Variants in CLVS2 observed in about 807,000 individuals in gnomAD.
The protein encoded by CLVS2 is clavesin-2.
CLVS2 carries 19 observed loss-of-function variants against 29.0 expected under a neutral mutation model. The ratio of observed to expected loss-of-function variants is 0.66; its 90% CI spans 0.46 to 0.96. The LOEUF (loss-of-function observed/expected upper bound fraction) is 0.96, where lower values mean the gene tolerates loss of function less well. Among genes scored for constraint, CLVS2 ranks in the 40% least tolerant of loss-of-function variants. The pLI is 0.00. For missense variants in CLVS2, 294 were observed against 404.1 expected (o/e 0.73, Z 2.34); for synonymous variants, 161 against 151.3 (o/e 1.06, Z -0.47).
rs1772971461 is a variant in CLVS2 at position 123,072,864 on chromosome 6, T to C, written c.*9103T>C. 6.6e-6 allele frequency: 1 copy of C among 152,082 alleles called. No individual in the cohort carries two copies. The highest frequency in any genetic ancestry group is 2.4e-5 in the African/African-American group (1 of 41,438). The allele number at this position is 152,082 out of a possible 1,614,324, so 9.4% of individuals were successfully genotyped here. On this transcript the variant is annotated 3_prime_UTR_variant, in exon 6 of 6. Transcript: ENST00000275162. ...CTTTTTTTGCAGAGAAACTATTGTC[T>C]TTTTTGATTTCTGAGGATGAATGAA... is the stretch of plus-strand genomic sequence containing the variant.
In CLVS2 at chr6:122,998,115, A is replaced by T. The variant is rs780886412; in HGVS notation, c.338A>T (p.His113Leu). 3.1e-6 allele frequency: 5 copies of T among 1,614,052 alleles called. No homozygotes were observed. Among genetic ancestry groups the T allele is most frequent in the Non-Finnish European group, 4.2e-6 (5 of 1,180,038 alleles). ...CCTGGGGGCCTGGCCAATCTGGACCACTATGGCAGGAAGATTCTAGTCCTT... is the reference window on the plus strand; with the variant it reads ...CCTGGGGGCCTGGCCAATCTGGACCTCTATGGCAGGAAGATTCTAGTCCTT... ...GFPGGLANLD[H>L]YGRKILVLFA... is the part of the protein sequence containing the mutation. The change falls in exon 2 of 6, where the codon CAC (histidine) becomes CTC (leucine). Residue 113 changes from histidine (H) to leucine (L), a missense_variant. Around this residue, in one of 2 missense-constraint regions of CLVS2, gnomAD observed 212 missense variants for 336.4 expected, o/e 0.63. Coordinates refer to ENST00000275162, the MANE Select transcript of CLVS2 (RefSeq NM_001010852.4).
At chr6:123,030,361 T>G (rs1775066075) in intron 3 of CLVS2, among the ~76,000 whole-genome samples, 1 of 152,152 alleles carries the variant, frequency 6.6e-6, no homozygotes. Flanking sequence ...TCCAAGAACC[T>G]TGTCTAATGT....
At chr6:123,061,870 T>C (rs1229968278) in intron 5 of CLVS2, among the ~76,000 whole-genome samples, 1 of 152,080 alleles carries the variant, frequency 6.6e-6, no homozygotes, top group Non-Finnish European at 1.5e-5. Flanking sequence ...TCAATATTTA[T>C]ATATTTAATT....
At chr6:123,038,213 A>C (rs1019551220) in intron 3 of CLVS2, among the ~76,000 whole-genome samples, 2 of 152,076 alleles carry the variant, frequency 1.3e-5, no homozygotes, top group African/African-American at 4.8e-5. Flanking sequence ...TTCTTCCCTC[A>C]TCCCTCCAAC....
chr6:123,004,950 CAAAAA>C (rs61607272), intron 2 of CLVS2, among the ~76,000 whole-genome samples: 86 of 148,582 alleles, frequency 5.8e-4, no homozygotes, highest in Non-Finnish European at 9.5e-4. Context: ...AAACAAAAAA[CAAAAA>C]AAAAAAAAAC....
rs796489894 is a variant in CLVS2 at position 123,069,802 on chromosome 6, A to C, written c.*6041A>C. 5 of 151,954 alleles carry C rather than the reference A, an allele frequency of 3.3e-5. No individual in the cohort carries two copies. The highest frequency in any genetic ancestry group is 1.2e-4 in the African/African-American group (5 of 41,510). 9.4% of individuals were successfully genotyped at this position (151,954 alleles called of 1,614,324 possible). ...AAGTGATGGTCAAATCTCTGTTGTGAAGCAAGTTTCCACACAGAAACATCA... is the reference window on the plus strand; with the variant it reads ...AAGTGATGGTCAAATCTCTGTTGTGCAGCAAGTTTCCACACAGAAACATCA... On this transcript the variant is annotated 3_prime_UTR_variant, in exon 6 of 6. Transcript: ENST00000275162.
intron 3 of CLVS2, among the ~76,000 whole-genome samples, chr6:123,019,125 T>A (rs1294294209): frequency 6.6e-6 from 1 of 152,026 alleles, no homozygotes; most frequent in African/African-American, 2.4e-5. Context: ...TTCCTATGGG[T>A]CAGATCTGGA....
intron 3 of CLVS2, among the ~76,000 whole-genome samples, chr6:123,039,444 G>C (rs1454432834): frequency 6.6e-6 from 1 of 152,162 alleles, no homozygotes; most frequent in Admixed American, 6.5e-5. Context: ...AAAGGAGCCT[G>C]ACTTAGGAAC....
At chr6:123,045,142 G>GAC (rs112529316) in intron 3 of CLVS2, among the ~76,000 whole-genome samples, 5,153 of 146,990 alleles carry the variant, frequency 0.035, 85 homozygotes, top group African/African-American at 0.056. Context: ...CCTCTTTTGG[G>GAC]ACACACACAC....
At chr6:123,031,037 AT>A (rs373263606) in intron 3 of CLVS2, among the ~76,000 whole-genome samples, 10 of 151,796 alleles carry the variant, frequency 6.6e-5, no homozygotes, top group African/African-American at 2.4e-4. Context: ...GGCTCAAGTG[AT>A]TCTCCCACAT....
chr6:123,033,738 T>A (rs979130662), intron 3 of CLVS2, among the ~76,000 whole-genome samples: 3 of 151,942 alleles, frequency 2.0e-5, no homozygotes, highest in East Asian at 1.9e-4. Context: ...TAAAAAAAAA[T>A]TTGCTCTGTG....
chr6:123,046,671 A>AAAT (rs888442805), intron 3 of CLVS2, among the ~76,000 whole-genome samples: 2 of 147,382 alleles, frequency 1.4e-5, no homozygotes, highest in Non-Finnish European at 3.0e-5. Flanking sequence ...AAAAAAAAAA[A>AAAT]AATAATAATA....
At chr6:123,031,676 G>A (rs1300419609) in intron 3 of CLVS2, among the ~76,000 whole-genome samples, 1 of 152,124 alleles carries the variant, frequency 6.6e-6, no homozygotes, top group Admixed American at 6.5e-5. Flanking sequence ...CAATAGAGCT[G>A]GGGGAAAAAG....
rs572669011 is a variant in CLVS2, at chr6:122,996,975, G to T, written c.-560+229G>T. 1.4e-3 allele frequency among the ~76,000 whole-genome samples: 207 copies of T among 152,130 alleles called. 3 individuals are homozygous for T. The highest frequency in any genetic ancestry group is 4.8e-3 in the African/African-American group (199 of 41,494). ...AGGCAGAAGTTGGGGGTGGGGTTGG[G>T]GGAGCCCACGCTGGTACCAACGCCA... On this transcript the variant is annotated intron_variant, in intron 1 of 5. Transcript: ENST00000275162.
chr6:123,025,279 C>CA (rs763647594), intron 3 of CLVS2, among the ~76,000 whole-genome samples: 25 of 151,940 alleles, frequency 1.6e-4, no homozygotes, highest in African/African-American at 6.0e-4. Flanking sequence ...TGAATAGGTG[C>CA]AAAAAAATGA....
At position 122,998,070 on chromosome 6, in the gene CLVS2, A is replaced by G; in HGVS notation, c.293A>G (p.Gln98Arg). 3.7e-6 allele frequency: 6 copies of G among 1,614,208 alleles called. No homozygotes were observed. Among genetic ancestry groups the G allele is most frequent in the Non-Finnish European group, 5.1e-6 (6 of 1,180,036 alleles). ...AAGGCCACCGACCCTGGCATCAAGC[A>G]GGCACTGAAGGATGGCTTCCCTGGG... Reference protein sequence around the residue: ...SFKATDPGIKQALKDGFPGGL... With the variant: ...SFKATDPGIKRALKDGFPGGL... Residue 98 changes from glutamine to arginine, a missense_variant, in exon 2 of 6, where the codon CAG becomes CGG. Physicochemically the swap from Gln to Arg is conservative, Grantham distance 43 (BLOSUM62 1). Coordinates refer to ENST00000275162, the MANE Select transcript of CLVS2 (RefSeq NM_001010852.4).
intron 2 of CLVS2, among the ~76,000 whole-genome samples, chr6:123,008,496 G>A (rs1774703194): frequency 6.6e-6 from 1 of 151,982 alleles, no homozygotes; most frequent in Non-Finnish European, 1.5e-5. Flanking sequence ...TACATACAAT[G>A]TATCATCCTT....
At chr6:123,045,790 G>C (rs1373695276) in intron 3 of CLVS2, among the ~76,000 whole-genome samples, 1 of 152,190 alleles carries the variant, frequency 6.6e-6, no homozygotes, top group Non-Finnish European at 1.5e-5. Context: ...CATATGGCAA[G>C]TGCAGTGATG....
intron 3 of CLVS2, among the ~76,000 whole-genome samples, chr6:123,034,034 C>T (rs1186576256): frequency 6.6e-6 from 1 of 152,006 alleles, no homozygotes; most frequent in Non-Finnish European, 1.5e-5. Flanking sequence ...CTCTCAAAAT[C>T]ATTTAATTTT....
Sources: gnomAD v4.1 joint callset for allele counts (sites outside exome capture counted in the v4.1 genomes callset) on GRCh38, gnomAD v4.1.1 for gene constraint, gnomAD v4.1.1 regional missense constraint, MANE v1.5 for transcripts, NCBI Gene and HGNC (gene_info 2026-07-23, HGNC 2026-07-21) for gene names.